The following TEX9 variants were observed in gnomAD, a reference collection of about 807,000 sequenced individuals.
TEX9 encodes the protein testis expressed 9.
A neutral mutation model predicts 59.6 loss-of-function variants in TEX9; 74 were observed. The ratio of observed to expected loss-of-function variants is 1.24; its 90% CI spans 1.03 to 1.51. TEX9 has a LOEUF of 1.51. TEX9 is among the 40% of genes most tolerant of loss of function. TEX9 has a pLI of 0.00. For missense variants in TEX9, 522 were observed against 447.8 expected (o/e 1.17, Z -1.49); for synonymous variants, 186 against 152.2 (o/e 1.22, Z -1.64).
At chr15:56,269,213 T>A (rs564732898) in intron 1 of TEX9, among the ~76,000 whole-genome samples, 1 of 152,328 alleles carries the variant, frequency 6.6e-6, no homozygotes, top group East Asian at 1.9e-4. Context: ...TTCTTCTCTC[T>A]TTTCTTCTTT....
At chr15:56,430,428 A>G (rs1280856312) in intron 12 of TEX9, among the ~76,000 whole-genome samples, 1 of 151,314 alleles carries the variant, frequency 6.6e-6, no homozygotes, top group Non-Finnish European at 1.5e-5. Context: ...CTGGTCTTGA[A>G]CTCCTGGGCT....
intron 1 of TEX9, among the ~76,000 whole-genome samples, chr15:56,259,233 C>T (rs1377279806): frequency 6.6e-6 from 1 of 152,002 alleles, no homozygotes; most frequent in Non-Finnish European, 1.5e-5. Flanking sequence ...CATTCTCATT[C>T]ATTCATTTAT....
chr15:56,297,027 G>GCAA (rs201959634), intron 1 of TEX9, among the ~76,000 whole-genome samples: 15 of 151,870 alleles, frequency 9.9e-5, no homozygotes, highest in African/African-American at 2.2e-4. Flanking sequence ...AGCTAAAACA[G>GCAA]CAACAACAAC....
At chr15:56,245,298 AG>A (rs1453580747) in intron 1 of TEX9, among the ~76,000 whole-genome samples, 3 of 152,182 alleles carry the variant, frequency 2.0e-5, no homozygotes, top group Admixed American at 2.0e-4. Flanking sequence ...GCACGTGGTG[AG>A]GGTTGAGGGT....
upstream of TEX9, among the ~76,000 whole-genome samples, chr15:56,364,138 C>T (rs1332227205): frequency 1.3e-5 from 2 of 151,666 alleles, no homozygotes; most frequent in African/African-American, 4.8e-5. Flanking sequence ...TCTAGTTTAT[C>T]TATTTTTTTT....
intron 3 of TEX9, among the ~76,000 whole-genome samples, chr15:56,378,748 T>G (rs1201323424): frequency 1.3e-5 from 2 of 152,134 alleles, no homozygotes; most frequent in African/African-American, 4.8e-5. Context: ...TGGTTTGGTT[T>G]GTTCTTGCTT....
chr15:56,388,524 T>C lies in TEX9; in HGVS notation c.312+4T>C, dbSNP rs765209423. Reference sequence around the variant, plus strand: ...TCATCTTCATTCAGAAACTAAGGTATGAAATCAAACTTTCTGTGAATGCAA... The same window carrying C: ...TCATCTTCATTCAGAAACTAAGGTACGAAATCAAACTTTCTGTGAATGCAA... On this transcript the variant is annotated splice_donor_region_variant and intron_variant, in intron 5 of 12. Transcript: ENST00000352903. 22 of 1,610,918 alleles carry C rather than the reference T, an allele frequency of 1.4e-5. No homozygotes were observed. The South Asian group carries it at 2.0e-4, about 14-fold the overall frequency.
chr15:56,402,056 A>G (rs1232905822), intron 9 of TEX9, among the ~76,000 whole-genome samples: 2 of 152,242 alleles, frequency 1.3e-5, no homozygotes, highest in African/African-American at 4.8e-5. Context: ...ACACCCTAAC[A>G]TCACAATTAA....
At chr15:56,454,826 C>A in the TEX9 span, among the ~76,000 whole-genome samples, 2 of 152,112 alleles carry the variant, frequency 1.3e-5, no homozygotes, top group South Asian at 2.1e-4. Flanking sequence ...TCTCTCCATG[C>A]TTTATTCTGA....
chr15:56,291,315 T>C (rs1708449802), intron 1 of TEX9, among the ~76,000 whole-genome samples: 1 of 152,170 alleles, frequency 6.6e-6, no homozygotes, highest in Non-Finnish European at 1.5e-5. Flanking sequence ...ACGATGCTTG[T>C]TTTCACTTTG....
At chr15:56,442,779 T>A (rs571043912) in intron 12 of TEX9, among the ~76,000 whole-genome samples, 7 of 152,134 alleles carry the variant, frequency 4.6e-5, no homozygotes, top group Admixed American at 1.3e-4. Context: ...AAACTACCTA[T>A]CGAGTACTAT....
intron 1 of TEX9, among the ~76,000 whole-genome samples, chr15:56,316,429 C>T (rs1346545481): frequency 2.6e-4 from 3 of 11,408 alleles, no homozygotes; most frequent in Middle Eastern, 0.05. Context: ...GTCAGTGTGC[C>T]CCTGCTGGGG....
chr15:56,450,587 AT>A (rs527975098), downstream of TEX9, among the ~76,000 whole-genome samples: 158 of 149,318 alleles, frequency 1.1e-3, 1 homozygote, highest in East Asian at 6.4e-3. Flanking sequence ...TCAGTGCTTC[AT>A]TTTTTTTTTA....
At chr15:56,422,847 TTC>T (rs1430970911) in intron 10 of TEX9, among the ~76,000 whole-genome samples, 7 of 152,066 alleles carry the variant, frequency 4.6e-5, no homozygotes, top group African/African-American at 1.4e-4. Context: ...CCATTGTACT[TTC>T]TGTCTCTATA....
At chr15:56,348,862 T>C (rs1249702678) in intron 1 of TEX9, among the ~76,000 whole-genome samples, 1 of 152,148 alleles carries the variant, frequency 6.6e-6, no homozygotes, top group Non-Finnish European at 1.5e-5. Flanking sequence ...CAATAACTCA[T>C]ATGTTACATA....
chr15:56,428,650 G>A (rs1567143590), intron 12 of TEX9: 6 of 436,428 alleles, frequency 1.4e-5, no homozygotes, highest in Middle Eastern at 6.1e-4. Flanking sequence ...TGACAATTAA[G>A]CACATCAGAT....
intron 1 of TEX9, among the ~76,000 whole-genome samples, chr15:56,245,476 A>G (rs1401665931): frequency 2.0e-5 from 3 of 152,182 alleles, no homozygotes; most frequent in Non-Finnish European, 4.4e-5. Flanking sequence ...CACTTTAGGA[A>G]ACTATAGGTG....
At chr15:56,405,909 G>A (rs1178787563) in intron 9 of TEX9, among the ~76,000 whole-genome samples, 1 of 151,924 alleles carries the variant, frequency 6.6e-6, no homozygotes, top group Non-Finnish European at 1.5e-5. Flanking sequence ...CTTCAGCATT[G>A]GATTTTGTTT....
intron 1 of TEX9, among the ~76,000 whole-genome samples, chr15:56,352,757 T>C (rs1461423376): frequency 6.6e-6 from 1 of 152,218 alleles, no homozygotes; most frequent in East Asian, 1.9e-4. Context: ...ATCAGAGATA[T>C]ATTATTTTAA....
Sources: gnomAD v4.1 joint callset for allele counts (sites outside exome capture counted in the v4.1 genomes callset) on GRCh38, gnomAD v4.1.1 for gene constraint, MANE v1.5 for transcripts, NCBI Gene and HGNC (gene_info 2026-07-23, HGNC 2026-07-21) for gene names.